Variants in KCNMA1 observed in about 807,000 individuals in gnomAD.
The protein encoded by KCNMA1 is potassium calcium-activated channel subfamily M alpha 1, also known as Calcium-activated potassium channel subunit alpha-1.
KCNMA1 carries 29 observed loss-of-function variants against 140.0 expected under a neutral mutation model. That is an observed-to-expected ratio of 0.21 (90% CI 0.15 to 0.28). The LOEUF is 0.28. KCNMA1 is among the 10% of genes least tolerant of loss of function. The pLI is 1.00. For missense variants in KCNMA1, 880 were observed against 1,602.2 expected (o/e 0.55, Z 7.70); for synonymous variants, 612 against 611.9 (o/e 1.00, Z 0.00).
chr10:77,381,688 G>GGCT (rs1394697500), intron 2 of KCNMA1, among the ~76,000 whole-genome samples: 1 of 151,968 alleles, frequency 6.6e-6, no homozygotes, highest in Non-Finnish European at 1.5e-5. Context: ...GTCTCCAGTG[G>GGCT]GCTGCTGGTC....
At chr10:77,569,885 TA>T (rs2070227637) in intron 1 of KCNMA1, among the ~76,000 whole-genome samples, 1 of 151,686 alleles carries the variant, frequency 6.6e-6, no homozygotes, top group African/African-American at 2.4e-5. Context: ...CAAACAAATT[TA>T]CAAGAAAAAA....
At chr10:77,227,461 A>G (rs1157035050) in intron 3 of KCNMA1, among the ~76,000 whole-genome samples, 2 of 152,192 alleles carry the variant, frequency 1.3e-5, no homozygotes, top group African/African-American at 4.8e-5. Context: ...ACCTTTGTAG[A>G]TGGGTAGCTC....
Position 77,439,149 on chromosome 10 carries a change from A to AGAGAAGAGAAGAGAG in KCNMA1, c.379-35127_379-35126insCTCTCTTCTCTTCTC, listed in dbSNP as rs1555337767. On this transcript the variant is annotated intron_variant, in intron 1 of 27. Coordinates refer to ENST00000286628, the MANE Select transcript of KCNMA1 (RefSeq NM_001161352.2). Reference sequence around the variant, plus strand: ...AGAGAAGAGAAGAGAAGAGAAGAGAAAAGAGAAGAGAAGAAAAGAAAAGAG... The same window carrying AGAGAAGAGAAGAGAG: ...AGAGAAGAGAAGAGAAGAGAAGAGAAGAGAAGAGAAGAGAGAAGAGAAGAGAAGAAAAGAAAAGAG... Among the ~76,000 whole-genome samples, 161 of 85,272 alleles carry AGAGAAGAGAAGAGAG rather than the reference A, an allele frequency of 1.9e-3. 1 individual carries two copies. The highest frequency in any genetic ancestry group is 0.01 in the East Asian group (26 of 2,524). 55.9% of individuals were successfully genotyped at this position (85,272 alleles called of 152,430 possible).
intron 1 of KCNMA1, among the ~76,000 whole-genome samples, chr10:77,459,434 T>C (rs1678726149): frequency 6.6e-6 from 1 of 152,210 alleles, no homozygotes; most frequent in Non-Finnish European, 1.5e-5. Context: ...ATGCAGCAAC[T>C]ATACAAACAC....
At chr10:77,183,353 A>T in intron 5 of KCNMA1, 68 bp downstream of exon 5, 1 of 1,016,770 alleles carries the variant, frequency 9.8e-7, no homozygotes, top group Non-Finnish European at 1.6e-6. Flanking sequence ...CCCCTCATCC[A>T]CTGCAAATTC....
chr10:77,596,126 T>G (rs2080866265), intron 1 of KCNMA1, among the ~76,000 whole-genome samples: 1 of 151,856 alleles, frequency 6.6e-6, no homozygotes, highest in African/African-American at 2.4e-5. Context: ...TCACCCTTAC[T>G]CATACAAAAT....
chr10:77,252,821 T>C (rs1428340043), intron 2 of KCNMA1, among the ~76,000 whole-genome samples: 1 of 151,836 alleles, frequency 6.6e-6, no homozygotes, highest in East Asian at 1.9e-4. Context: ...TGATAAAATC[T>C]CCATATAAAG....
intron 3 of KCNMA1, among the ~76,000 whole-genome samples, chr10:77,219,898 C>A (rs564407260): frequency 1.3e-5 from 2 of 152,334 alleles, no homozygotes; most frequent in South Asian, 4.1e-4. Context: ...AGCAGTCATG[C>A]TCTGCCCAGT....
intron 5 of KCNMA1, among the ~76,000 whole-genome samples, chr10:77,126,735 C>CCCCCCCCCCCCCCA (rs1554849516): frequency 1.4e-5 from 2 of 144,008 alleles, no homozygotes; most frequent in Non-Finnish European, 3.1e-5. Flanking sequence ...ACCCCCCCCC[C>CCCCCCCCCCCCCCA]ACCACCACAC....
chr10:77,116,103 G>A (rs538531816), intron 6 of KCNMA1, among the ~76,000 whole-genome samples: 81 of 152,308 alleles, frequency 5.3e-4, no homozygotes, highest in Admixed American at 1.8e-3. Flanking sequence ...AGCTACCAGC[G>A]GTTAGAATGA....
At chr10:77,301,246 C>T (rs1029554849) in intron 2 of KCNMA1, among the ~76,000 whole-genome samples, 1 of 152,198 alleles carries the variant, frequency 6.6e-6, no homozygotes, top group African/African-American at 2.4e-5. Flanking sequence ...AATGAGAAAA[C>T]CTGCCTCAAA....
chr10:77,081,120 C>T (rs1565967711), intron 12 of KCNMA1, among the ~76,000 whole-genome samples: 1 of 152,092 alleles, frequency 6.6e-6, no homozygotes, highest in Non-Finnish European at 1.5e-5. Context: ...AATTATGGTG[C>T]TAAAGGGAGG....
At chr10:77,015,981 A>T (rs2091954651) in intron 17 of KCNMA1, among the ~76,000 whole-genome samples, 1 of 152,086 alleles carries the variant, frequency 6.6e-6, no homozygotes, top group African/African-American at 2.4e-5. Context: ...ACCTTTTCAA[A>T]ATATACATCA....
intron 1 of KCNMA1, among the ~76,000 whole-genome samples, chr10:77,630,246 G>A (rs1431169626): frequency 6.6e-6 from 1 of 152,200 alleles, no homozygotes; most frequent in Non-Finnish European, 1.5e-5. Context: ...TCACCGCAGT[G>A]CAGCCCTGGT....
intron 2 of KCNMA1, among the ~76,000 whole-genome samples, chr10:77,332,562 T>C (rs1160013712): frequency 8.2e-6 from 1 of 122,354 alleles, no homozygotes; most frequent in Admixed American, 8.7e-5. Flanking sequence ...ACCTCCTGCC[T>C]CACTGGGTGG....
chr10:77,007,858 C>T (rs1331367780), intron 18 of KCNMA1, among the ~76,000 whole-genome samples: 1 of 151,716 alleles, frequency 6.6e-6, no homozygotes, highest in African/African-American at 2.4e-5. Flanking sequence ...CCTTAAAAGT[C>T]CTGAGACAAG....
intron 1 of KCNMA1, among the ~76,000 whole-genome samples, chr10:77,627,475 G>A (rs975987512): frequency 7.9e-5 from 12 of 152,164 alleles, no homozygotes; most frequent in African/African-American, 1.9e-4. Context: ...AGAATGGGTC[G>A]TTTTCTGAAC....
intron 9 of KCNMA1, among the ~76,000 whole-genome samples, chr10:77,093,576 G>C (rs1428738902): frequency 6.6e-6 from 1 of 152,164 alleles, no homozygotes; most frequent in Non-Finnish European, 1.5e-5. Flanking sequence ...TGTGTCTGAG[G>C]AGGGCCCTGC....
intron 25 of KCNMA1, among the ~76,000 whole-genome samples, chr10:76,896,702 A>C (rs957754983): frequency 4.6e-5 from 7 of 152,192 alleles, no homozygotes; most frequent in African/African-American, 1.7e-4. Flanking sequence ...GCATGTCTAC[A>C]GAAATAATGA....
Sources: gnomAD v4.1 joint callset for allele counts (sites outside exome capture counted in the v4.1 genomes callset) on GRCh38, gnomAD v4.1.1 for gene constraint, MANE v1.5 for transcripts, NCBI Gene and HGNC (gene_info 2026-07-23, HGNC 2026-07-21) for gene names.